SLCO1A2: variants seen among roughly 807,000 people sequenced by gnomAD.
SLCO1A2 encodes the protein OATP-1.
SLCO1A2 carries 67 observed loss-of-function variants against 69.0 expected under a neutral mutation model. The ratio of observed to expected loss-of-function variants is 0.97; its 90% CI spans 0.80 to 1.19. The LOEUF (loss-of-function observed/expected upper bound fraction) is 1.19. SLCO1A2 is among the 50% of genes most tolerant of loss of function. The pLI is 0.00. For missense variants in SLCO1A2, 787 were observed against 793.7 expected, an observed-to-expected ratio of 0.99 and a Z score of 0.10; for synonymous variants, 260 against 265.9, an observed-to-expected ratio of 0.98 and a Z score of 0.22.
intron 4 of SLCO1A2, among the ~76,000 whole-genome samples, chr12:21,312,993 A>T (rs866894058): frequency 6.6e-6 from 1 of 152,128 alleles, no homozygotes; most frequent in African/African-American, 2.4e-5. Context: ...GGCTGAAGTG[A>T]GAGGATCACC....
intron 12 of SLCO1A2, 25 bp from the exon 13 acceptor site, chr12:21,275,449 T>A: frequency 7.0e-7 from 1 of 1,423,524 alleles, no homozygotes; most frequent in African/African-American, 1.4e-5. Context: ...AGTTTGTAAA[T>A]AAAAGAAAAA....
At chr12:21,301,135 G>C (rs1948658459) in intron 7 of SLCO1A2, 36 bp downstream of exon 7, 3 of 1,396,234 alleles carry the variant, frequency 2.1e-6, no homozygotes, top group Non-Finnish European at 3.0e-6. Flanking sequence ...GCTTTGTATA[G>C]TCTAGACACT....
intron 3 of SLCO1A2, 48 bp downstream of exon 3, chr12:21,318,734 C>T (rs1221570691): frequency 2.0e-6 from 3 of 1,518,806 alleles, no homozygotes; most frequent in Non-Finnish European, 2.7e-6. Context: ...ACTAGCTCCA[C>T]AGATAAGACA....
In SLCO1A2 at chr12:21,304,553, A is replaced by T; in HGVS notation, c.463T>A (p.Ser155Thr). ...ACTAGGACGTACACCCACATTAATGATTTAACTTCCTTTGTACACTCTGCA... is the reference window on the plus strand; with the variant it reads ...ACTAGGACGTACACCCACATTAATGTTTTAACTTCCTTTGTACACTCTGCA... ...DPSECTKEVK[S>T]LMWVYVLVGN... The change falls in exon 6 of 15, where the codon TCA becomes ACA. Residue 155 changes from serine (S) to threonine (T), a missense_variant. Physicochemically the swap from Ser to Thr is moderately conservative, Grantham distance 58. Coordinates refer to ENST00000683939, the MANE Select transcript of SLCO1A2 (RefSeq NM_001386879.1). The T allele has an allele frequency of 6.2e-7, 1 of 1,610,794 alleles. No individual in the cohort carries two copies. Among genetic ancestry groups the T allele is most frequent in the Non-Finnish European group, 8.5e-7 (1 of 1,179,000 alleles).
At chr12:21,328,577 G>C (rs1011304203) in intron 2 of SLCO1A2, among the ~76,000 whole-genome samples, 2 of 152,098 alleles carry the variant, frequency 1.3e-5, no homozygotes, top group African/African-American at 4.8e-5. Flanking sequence ...GGGATTGCCT[G>C]TTTTATGCAG....
At chr12:21,361,315 T>C (rs977072019) in intron 2 of SLCO1A2, among the ~76,000 whole-genome samples, 6 of 152,194 alleles carry the variant, frequency 3.9e-5, no homozygotes, top group African/African-American at 1.4e-4. Flanking sequence ...AGACCTGCAG[T>C]TGAGGGTCCT....
chr12:21,304,352 C>G, intron 6 of SLCO1A2, 75 bp downstream of exon 6: 2 of 1,261,038 alleles, frequency 1.6e-6, no homozygotes. Flanking sequence ...ACTAAGACTA[C>G]AAAAATATAA....
chr12:21,416,601 G>A (rs1941993130), intron 1 of SLCO1A2, among the ~76,000 whole-genome samples: 2 of 151,898 alleles, frequency 1.3e-5, no homozygotes, highest in Non-Finnish European at 2.9e-5. Flanking sequence ...CTGCAGGCTG[G>A]TCTTGTTTAA....
chr12:21,333,089 TG>T (rs1213070774), intron 2 of SLCO1A2, among the ~76,000 whole-genome samples: 3 of 152,062 alleles, frequency 2.0e-5, no homozygotes, highest in Non-Finnish European at 4.4e-5. Flanking sequence ...CTTCTCAGAG[TG>T]TATTCTTAAG....
intron 1 of SLCO1A2, among the ~76,000 whole-genome samples, chr12:21,393,972 T>G (rs1172588211): frequency 6.6e-6 from 1 of 152,208 alleles, no homozygotes; most frequent in African/African-American, 2.4e-5. Flanking sequence ...TCCTAGTGCT[T>G]ACCTCTATAA....
intron 2 of SLCO1A2, among the ~76,000 whole-genome samples, chr12:21,339,975 CATATA>C (rs1467632901): frequency 1.3e-5 from 2 of 151,870 alleles, no homozygotes; most frequent in South Asian, 2.1e-4. Context: ...GGTATATAAA[CATATA>C]ATATAAAATT....
intron 1 of SLCO1A2, among the ~76,000 whole-genome samples, chr12:21,388,248 T>C (rs1039336270): frequency 2.0e-5 from 3 of 151,968 alleles, no homozygotes; most frequent in African/African-American, 7.2e-5. Context: ...GAAGGGCACA[T>C]TGTGTTTTGA....
At chr12:21,296,482 A>G (rs1164657536) in intron 9 of SLCO1A2, among the ~76,000 whole-genome samples, 2 of 152,100 alleles carry the variant, frequency 1.3e-5, no homozygotes, top group East Asian at 3.9e-4. Context: ...GCCTCAAGTG[A>G]TCCTCACTCC....
chr12:21,298,710 T>A (rs7967403), intron 8 of SLCO1A2, among the ~76,000 whole-genome samples: 17,788 of 152,180 alleles, frequency 0.12, 1,136 homozygotes, highest in Non-Finnish European at 0.13. Context: ...ACAAGTTTCT[T>A]TTCTATGTCT....
At chr12:21,313,601 A>G (rs2136669266) in intron 4 of SLCO1A2, among the ~76,000 whole-genome samples, 1 of 152,220 alleles carries the variant, frequency 6.6e-6, no homozygotes, top group South Asian at 2.1e-4. Flanking sequence ...AATCCCAGCT[A>G]CTCGGGAGGC....
chr12:21,281,932 C>G (rs963196470), intron 12 of SLCO1A2, among the ~76,000 whole-genome samples: 3 of 151,972 alleles, frequency 2.0e-5, no homozygotes, highest in African/African-American at 7.2e-5. Context: ...GAGATTGAAG[C>G]TGTAATAAAG....
At chr12:21,315,595 T>C (rs775526055) in intron 3 of SLCO1A2, among the ~76,000 whole-genome samples, 4 of 152,216 alleles carry the variant, frequency 2.6e-5, no homozygotes, top group Non-Finnish European at 5.9e-5. Context: ...AAGTGGTGTA[T>C]ATTTTGAAAA....
chr12:21,298,591 A>C (rs1250598421), intron 8 of SLCO1A2, among the ~76,000 whole-genome samples: 1 of 152,178 alleles, frequency 6.6e-6, no homozygotes, highest in Non-Finnish European at 1.5e-5. Context: ...TATAATTGTA[A>C]AATTTATATT....
intron 1 of SLCO1A2, among the ~76,000 whole-genome samples, chr12:21,407,084 C>T (rs1443174000): frequency 1.3e-5 from 2 of 151,982 alleles, no homozygotes; most frequent in African/African-American, 4.8e-5. Context: ...AACAATTTAA[C>T]AAAATAATTT....
Sources: allele counts gnomAD v4.1 joint callset (sites outside exome capture counted in the v4.1 genomes callset), GRCh38; gene constraint gnomAD v4.1.1; transcripts MANE v1.5; gene names NCBI Gene and HGNC (gene_info 2026-07-23, HGNC 2026-07-21).